Variants in BRINP3 observed in about 807,000 individuals in gnomAD.
BRINP3 encodes BMP/retinoic acid-inducible neural-specific protein 3.
Under a neutral mutation model 71.0 loss-of-function variants are expected in BRINP3, and 19 were observed. That is an observed-to-expected ratio of 0.27 (90% CI 0.19 to 0.39). BRINP3 has a LOEUF of 0.39. BRINP3 is among the 10% of genes least tolerant of loss of function. The pLI is 1.00. For missense variants in BRINP3, 959 were observed against 940.8 expected, an observed-to-expected ratio of 1.02 and a Z score of -0.25; for synonymous variants, 380 against 337.7, an observed-to-expected ratio of 1.13 and a Z score of -1.37.
intron 1 of BRINP3, among the ~76,000 whole-genome samples, chr1:190,465,554 A>T (rs747571881): frequency 6.6e-5 from 10 of 151,864 alleles, no homozygotes; most frequent in Non-Finnish European, 1.0e-4. Context: ...ATATCTGACC[A>T]CCCTGGCCTG....
intron 2 of BRINP3, among the ~76,000 whole-genome samples, chr1:190,312,039 A>ATATATATT: frequency 1.2e-5 from 1 of 83,988 alleles, no homozygotes; most frequent in Non-Finnish European, 2.2e-5. Context: ...AAAGTCAAAT[A>ATATATATT]TATATATATA....
chr1:190,190,954 A>G (rs1484400619), intron 6 of BRINP3, among the ~76,000 whole-genome samples: 2 of 152,140 alleles, frequency 1.3e-5, no homozygotes, highest in African/African-American at 4.8e-5. Flanking sequence ...TGCAAATAGC[A>G]GATATTATAG....
intron 6 of BRINP3, among the ~76,000 whole-genome samples, chr1:190,207,566 T>C (rs1655618683): frequency 6.6e-6 from 1 of 152,098 alleles, no homozygotes; most frequent in Admixed American, 6.6e-5. Context: ...GACAGGCCAT[T>C]TAGCCTCATG....
chr1:190,100,545 G>T (rs926651089), intron 7 of BRINP3, among the ~76,000 whole-genome samples: 1 of 151,902 alleles, frequency 6.6e-6, no homozygotes, highest in Middle Eastern at 3.2e-3. Context: ...TCTTAAGAAG[G>T]GTATTTTTAA....
chr1:190,188,914 C>CA (rs1447817393), intron 6 of BRINP3, among the ~76,000 whole-genome samples: 8 of 152,064 alleles, frequency 5.3e-5, no homozygotes, highest in African/African-American at 1.9e-4. Flanking sequence ...GAGCTTCCCA[C>CA]AATGCCAGGC....
Position 190,162,365 on chromosome 1 carries a change from T to C in BRINP3, c.962-1475A>G, listed in dbSNP as rs148315387. Among the ~76,000 whole-genome samples, 508 of 151,994 alleles carry C rather than the reference T, an allele frequency of 3.3e-3. 3 individuals are homozygous for C. The highest frequency in any genetic ancestry group is 0.016 in the South Asian group (79 of 4,794). ...GCCCAGCTACTTTTTTGTAATTTTT[T>C]AGCTGACCAACAAGGTGAAACCCCA... On this transcript the variant is annotated intron_variant, in intron 6 of 7. Transcript: ENST00000367462.
chr1:190,255,025 T>TA (rs1558114304), intron 4 of BRINP3, among the ~76,000 whole-genome samples: 1 of 149,720 alleles, frequency 6.7e-6, no homozygotes, highest in African/African-American at 2.5e-5. Context: ...TCAATTGAGA[T>TA]AATCATGTGG....
intron 6 of BRINP3, among the ~76,000 whole-genome samples, chr1:190,176,195 A>G (rs1166317956): frequency 3.9e-5 from 6 of 152,164 alleles, no homozygotes; most frequent in Non-Finnish European, 7.4e-5. Flanking sequence ...ATTGTTGCAC[A>G]TAAAGAACAT....
intron 5 of BRINP3, among the ~76,000 whole-genome samples, chr1:190,230,855 T>C (rs1657907772): frequency 6.6e-6 from 1 of 151,548 alleles, no homozygotes; most frequent in Admixed American, 6.6e-5. Context: ...ATATTTTTAT[T>C]CAAATATAAT....
chr1:190,129,823 G>T (rs1654386782), intron 7 of BRINP3, among the ~76,000 whole-genome samples: 1 of 151,966 alleles, frequency 6.6e-6, no homozygotes. Flanking sequence ...CAGAATAAGA[G>T]AATAATAATC....
intron 3 of BRINP3, among the ~76,000 whole-genome samples, chr1:190,277,464 A>T (rs1204336503): frequency 6.6e-6 from 1 of 151,536 alleles, no homozygotes; most frequent in African/African-American, 2.4e-5. Context: ...CACATTTAAA[A>T]TTTCTATAAA....
Position 190,282,019 on chromosome 1 carries a change from C to T in BRINP3, c.237-269G>A, listed in dbSNP as rs188691869. Among the ~76,000 whole-genome samples the T allele has an allele frequency of 4.5e-4, 68 of 151,658 alleles. 1 individual carries two copies. The East Asian group carries it at 8.3e-3, about 19-fold the overall frequency. ...CCAAGAAAATATATTTTCATAAAAA[C>T]GACTTTATTATGCCTAGAATATGAA... On this transcript the variant is annotated intron_variant, in intron 2 of 7. Coordinates refer to ENST00000367462, the MANE Select transcript of BRINP3 (RefSeq NM_199051.3).
chr1:190,366,750 G>A lies in BRINP3; in HGVS notation c.237-85000C>T, dbSNP rs571215008. Among the ~76,000 whole-genome samples, 3 of 152,208 alleles carry A rather than the reference G, an allele frequency of 2.0e-5. No individual in the cohort carries two copies. In the South Asian group the frequency reaches 6.2e-4, roughly 32 times the overall value. ...CACCCATTCGAAATGCAAGCAATTGGCCAAAACAAAGGGGCTACAGTCCCC... is the reference window on the plus strand; with the variant it reads ...CACCCATTCGAAATGCAAGCAATTGACCAAAACAAAGGGGCTACAGTCCCC... On this transcript the variant is annotated intron_variant, in intron 2 of 7. Coordinates refer to ENST00000367462, the MANE Select transcript of BRINP3 (RefSeq NM_199051.3).
At chr1:190,395,585 T>A in intron 2 of BRINP3, among the ~76,000 whole-genome samples, 1 of 151,890 alleles carries the variant, frequency 6.6e-6, no homozygotes, top group Admixed American at 6.6e-5. Context: ...AATATATGAT[T>A]GGGTTATATA....
At chr1:190,394,258 T>G (rs1356354853) in intron 2 of BRINP3, among the ~76,000 whole-genome samples, 1 of 151,556 alleles carries the variant, frequency 6.6e-6, no homozygotes, top group Admixed American at 6.6e-5. Flanking sequence ...TTATGATTAT[T>G]TAGTCTCCCT....
At chr1:190,455,339 T>G (rs1675913188) in intron 1 of BRINP3, among the ~76,000 whole-genome samples, 1 of 152,202 alleles carries the variant, frequency 6.6e-6, no homozygotes, top group Non-Finnish European at 1.5e-5. Flanking sequence ...TTTTATTGTA[T>G]ATTTATCTTA....
intron 7 of BRINP3, among the ~76,000 whole-genome samples, chr1:190,113,719 C>G (rs547846134): frequency 6.6e-6 from 1 of 152,190 alleles, no homozygotes; most frequent in South Asian, 2.1e-4. Flanking sequence ...AGTGGCAAAA[C>G]TAAAACCAGG....
At chr1:190,387,079 G>T (rs1183317403) in intron 2 of BRINP3, among the ~76,000 whole-genome samples, 1 of 151,868 alleles carries the variant, frequency 6.6e-6, no homozygotes, top group Admixed American at 6.6e-5. Flanking sequence ...TTGATGAATT[G>T]GAAAGGGCAA....
chr1:190,366,806 T>A (rs938078670), intron 2 of BRINP3, among the ~76,000 whole-genome samples: 1 of 152,288 alleles, frequency 6.6e-6, no homozygotes, highest in East Asian at 1.9e-4. Flanking sequence ...AGTGCAGTCA[T>A]TAAACATTAA....
Sources: gnomAD v4.1 joint callset for allele counts (sites outside exome capture counted in the v4.1 genomes callset) on GRCh38, gnomAD v4.1.1 for gene constraint, MANE v1.5 for transcripts, NCBI Gene and HGNC (gene_info 2026-07-23, HGNC 2026-07-21) for gene names.